Variants in CFAP47 observed in about 807,000 individuals in gnomAD.
The protein encoded by CFAP47 is cilia- and flagella-associated protein 47.
A neutral mutation model predicts 148.1 loss-of-function variants in CFAP47; 29 were observed. The observed-to-expected ratio is 0.20, with a 90% CI of 0.15 to 0.27. The LOEUF is 0.27. CFAP47 is among the 10% of genes least tolerant of loss of function. The pLI is 1.00. For missense variants in CFAP47, 1,872 were observed against 1,697.5 expected (o/e 1.10, Z -1.81); for synonymous variants, 664 against 577.3 (o/e 1.15, Z -2.15).
chrX:36,245,339 G>A (rs1329450768), intron 48 of CFAP47, among the ~76,000 whole-genome samples: 2 of 111,524 alleles, frequency 1.8e-5, no homozygotes, highest in Admixed American at 1.9e-4. Flanking sequence ...TCTAAACAGA[G>A]CTATCAGGCA....
chrX:36,234,170 A>G (rs1940416550), intron 46 of CFAP47, among the ~76,000 whole-genome samples: 1 of 109,292 alleles, frequency 9.1e-6, no homozygotes. Flanking sequence ...CTGCCTTGCT[A>G]GATTGGGGAA....
At chrX:36,373,270 TA>T (rs1240452216) in intron 62 of CFAP47, among the ~76,000 whole-genome samples, 2 of 111,961 alleles carry the variant, frequency 1.8e-5, no homozygotes, top group East Asian at 5.6e-4. Context: ...AATTCATTTC[TA>T]AGAATTTTAT....
intron 1 of CFAP47, among the ~76,000 whole-genome samples, chrX:35,924,680 A>T (rs1404081970): frequency 9.1e-6 from 1 of 110,296 alleles, no homozygotes; most frequent in East Asian, 2.9e-4. Context: ...TTCAGATTTT[A>T]AGCTTCTTAG....
At chrX:36,131,948 A>G (rs1284773685) in intron 33 of CFAP47, among the ~76,000 whole-genome samples, 1 of 111,329 alleles carries the variant, frequency 9.0e-6, no homozygotes, top group African/African-American at 3.3e-5. Context: ...TTGCACAGCT[A>G]TATGACTATA....
chrX:36,156,232 T>C lies in CFAP47; in HGVS notation c.5787-3194T>C, dbSNP rs193094983. ...TTGTTTTCCTAAACAAAAAAATGAG[T>C]AATTTTATCATTATAAGATATTATA... is the stretch of plus-strand genomic sequence containing the variant. On this transcript the variant is annotated intron_variant, in intron 37 of 63. Coordinates refer to ENST00000378653, the MANE Select transcript of CFAP47 (RefSeq NM_001304548.2). Among the ~76,000 whole-genome samples, 781 of 110,918 alleles carry C rather than the reference T, an allele frequency of 7.0e-3. 4 individuals carry two copies. The highest frequency in any genetic ancestry group is 0.019 in the Middle Eastern group (4 of 208).
At chrX:36,254,993 T>C (rs1940733091) in intron 49 of CFAP47, among the ~76,000 whole-genome samples, 1 of 111,504 alleles carries the variant, frequency 9.0e-6, no homozygotes, top group South Asian at 3.7e-4. Context: ...GGTATGTTTG[T>C]TGGTAGAAAG....
At chrX:36,246,340 A>G (rs1383539423) in intron 48 of CFAP47, among the ~76,000 whole-genome samples, 4 of 111,912 alleles carry the variant, frequency 3.6e-5, no homozygotes, top group Non-Finnish European at 7.5e-5. Flanking sequence ...TCAGAGAAAC[A>G]CAAACCAAAA....
chrX:36,067,853 C>T (rs970683828), intron 27 of CFAP47, among the ~76,000 whole-genome samples: 1 of 109,582 alleles, frequency 9.1e-6, no homozygotes, highest in Non-Finnish European at 1.9e-5. Context: ...TTAGTAGAGA[C>T]GGGGTTTCAC....
At chrX:36,206,788 A>G (rs1940043818) in intron 45 of CFAP47, among the ~76,000 whole-genome samples, 1 of 112,082 alleles carries the variant, frequency 8.9e-6, no homozygotes, top group Non-Finnish European at 1.9e-5. Context: ...CATATCAATT[A>G]TTAATTATCC....
chrX:36,041,957 C>T (rs1174494898), intron 25 of CFAP47, among the ~76,000 whole-genome samples: 1 of 104,184 alleles, frequency 9.6e-6, no homozygotes, highest in Non-Finnish European at 2.0e-5. Context: ...AATCAAACAA[C>T]GTGTATGTAA....
chrX:36,311,017 GT>G, intron 56 of CFAP47, 28 bp downstream of exon 56: 1 of 867,143 alleles, frequency 1.2e-6, no homozygotes, highest in Non-Finnish European at 1.5e-6. Flanking sequence ...TATTTTACAT[GT>G]TATTTTATAG....
At chrX:35,944,532 T>C (rs949232785) in intron 3 of CFAP47, among the ~76,000 whole-genome samples, 2 of 111,290 alleles carry the variant, frequency 1.8e-5, no homozygotes, top group African/African-American at 6.5e-5. Flanking sequence ...GCCTCATACA[T>C]ATTTAGTGTG....
intron 15 of CFAP47, among the ~76,000 whole-genome samples, chrX:35,980,992 C>T: frequency 9.1e-6 from 1 of 109,898 alleles, no homozygotes; most frequent in Admixed American, 9.8e-5. Flanking sequence ...CTCTCTTTGT[C>T]TTTCCAGCTT....
At chrX:36,357,360 A>T (rs1424054439) in intron 60 of CFAP47, among the ~76,000 whole-genome samples, 2 of 111,434 alleles carry the variant, frequency 1.8e-5, no homozygotes, top group African/African-American at 6.5e-5. Context: ...GTCACATAAA[A>T]CTATCAAGCT....
chrX:36,001,551 C>A (rs564650331), intron 20 of CFAP47, 62 bp from the exon 21 acceptor site: 6 of 280,220 alleles, frequency 2.1e-5, no homozygotes, highest in African/African-American at 8.3e-5. Flanking sequence ...TAGCCCTGCA[C>A]AAATATTTTA....
At chrX:36,146,889 C>G (rs990849476) in intron 36 of CFAP47, among the ~76,000 whole-genome samples, 29 of 106,581 alleles carry the variant, frequency 2.7e-4, no homozygotes, top group Non-Finnish European at 9.6e-5. Context: ...TCAAGCGATT[C>G]TCCTGCCTCA....
At chrX:36,107,750 A>G (rs1304633905) in intron 33 of CFAP47, among the ~76,000 whole-genome samples, 1 of 111,057 alleles carries the variant, frequency 9.0e-6, no homozygotes, top group African/African-American at 3.3e-5. Flanking sequence ...CTCCTCTGTT[A>G]CTATTTTCCT....
intron 49 of CFAP47, among the ~76,000 whole-genome samples, chrX:36,276,696 A>ATG (rs1265122265): frequency 8.9e-6 from 1 of 112,013 alleles, no homozygotes; most frequent in East Asian, 2.8e-4. Flanking sequence ...TAATATTAGT[A>ATG]TGTGTGTGTA....
chrX:36,159,290 G>T (rs5973602), intron 37 of CFAP47, 136 bp from the exon 38 acceptor site: 7,779 of 285,220 alleles, frequency 0.027, 554 homozygotes, highest in African/African-American at 0.19. Flanking sequence ...CTAGATTGTA[G>T]GCTTCTTGAT....
Sources: allele counts gnomAD v4.1 joint callset (sites outside exome capture counted in the v4.1 genomes callset), GRCh38; gene constraint gnomAD v4.1.1; transcripts MANE v1.5; gene names NCBI Gene and HGNC (gene_info 2026-07-23, HGNC 2026-07-21).